Variants in SPIDR observed in about 807,000 individuals in gnomAD.
The protein encoded by SPIDR is scaffold protein involved in DNA repair, also known as DNA repair-scaffolding protein.
SPIDR carries 93 observed loss-of-function variants against 104.6 expected under a neutral mutation model. That is an observed-to-expected ratio of 0.89 (90% CI 0.75 to 1.06). The LOEUF is 1.06. SPIDR is among the 50% of genes least tolerant of loss of function. The pLI, the probability that SPIDR is intolerant of heterozygous loss-of-function variation, is 0.00. For synonymous variants in SPIDR, 431 were observed against 416.9 expected (o/e 1.03, Z -0.41); for missense variants, 1,154 against 1,111.2 (o/e 1.04, Z -0.55).
At chr8:47,302,944 G>T (rs1174369580) in intron 5 of SPIDR, among the ~76,000 whole-genome samples, 2 of 152,208 alleles carry the variant, frequency 1.3e-5, no homozygotes, top group African/African-American at 4.8e-5. Context: ...CCAGCTGCAT[G>T]CTGGGAGAAC....
chr8:47,466,912 TATAGATAG>T lies in SPIDR; in HGVS notation c.1097+26402_1097+26409del, dbSNP rs1240331641. On this transcript the variant is annotated intron_variant, in intron 8 of 19. Coordinates refer to ENST00000297423, the MANE Select transcript of SPIDR (RefSeq NM_001080394.4). ...GAAAAAAAAAAAAAATATATATATA[TATAGATAG>T]ATAGATAGATAGATAGATAGATAGA... is the stretch of plus-strand genomic sequence containing the variant. Among the ~76,000 whole-genome samples the T allele has an allele frequency of 3.2e-3, 361 of 113,298 alleles. 9 individuals carry two copies. The highest frequency in any genetic ancestry group is 9.0e-3 in the East Asian group (37 of 4,094). The allele number at this position is 113,298 out of a possible 152,430, so 74.3% of individuals were successfully genotyped here. A position where few individuals can be genotyped will look rare whatever the true frequency, so the allele number is the denominator to read the frequency against.
intron 10 of SPIDR, among the ~76,000 whole-genome samples, chr8:47,602,280 A>G (rs1422872437): frequency 6.6e-6 from 1 of 152,214 alleles, no homozygotes; most frequent in Non-Finnish European, 1.5e-5. Context: ...AGCACAACAC[A>G]CACAGAAGAA....
intron 8 of SPIDR, among the ~76,000 whole-genome samples, chr8:47,537,222 A>C (rs931560772): frequency 6.6e-6 from 1 of 152,254 alleles, no homozygotes; most frequent in Non-Finnish European, 1.5e-5. Context: ...ATATTTATCC[A>C]AATAATTGTT....
In SPIDR at chr8:47,480,621, A is replaced by G. The variant is rs79244204; in HGVS notation, c.1097+40079A>G. ...ATAAACTGAAAGTGTACAATCTGGG[A>G]TCAAGTGTTCTCGCTGCTCTCAGGG... On this transcript the variant is annotated intron_variant, in intron 8 of 19. Coordinates refer to ENST00000297423, the MANE Select transcript of SPIDR (RefSeq NM_001080394.4). 7.6e-3 allele frequency among the ~76,000 whole-genome samples: 1,152 copies of G among 152,314 alleles called. 14 individuals are homozygous for G. The highest frequency in any genetic ancestry group is 0.026 in the Admixed American group (390 of 15,292).
chr8:47,620,330 A>T (rs1378894750), intron 10 of SPIDR, among the ~76,000 whole-genome samples: 1 of 141,594 alleles, frequency 7.1e-6, no homozygotes, highest in Non-Finnish European at 1.5e-5. Context: ...GCTGGAGTGC[A>T]GTGGCGTGAT....
At chr8:47,644,308 G>A (rs1303687978) in intron 10 of SPIDR, among the ~76,000 whole-genome samples, 1 of 152,218 alleles carries the variant, frequency 6.6e-6, no homozygotes. Context: ...AAATCTGAAC[G>A]GAAGCTGATG....
intron 8 of SPIDR, among the ~76,000 whole-genome samples, chr8:47,478,613 G>A (rs1227873707): frequency 6.6e-6 from 1 of 152,146 alleles, no homozygotes; most frequent in Non-Finnish European, 1.5e-5. Context: ...GACAGTTTGG[G>A]TTCATATGAA....
chr8:47,548,653 A>T (rs1238330593), intron 8 of SPIDR, among the ~76,000 whole-genome samples: 1 of 152,200 alleles, frequency 6.6e-6, no homozygotes, highest in East Asian at 1.9e-4. Context: ...ATCTCAAAAA[A>T]CAGAACAAAA....
chr8:47,728,243 C>A (rs1464445184), intron 17 of SPIDR, among the ~76,000 whole-genome samples: 1 of 151,374 alleles, frequency 6.6e-6, no homozygotes, highest in Non-Finnish European at 1.5e-5. Flanking sequence ...CTGGCCAACA[C>A]GGTGAAACCC....
At chr8:47,378,468 C>T (rs191369171) in intron 5 of SPIDR, among the ~76,000 whole-genome samples, 2 of 152,314 alleles carry the variant, frequency 1.3e-5, no homozygotes, top group East Asian at 3.9e-4. Flanking sequence ...GTAATTGCAG[C>T]TATCAAAGTT....
intron 10 of SPIDR, among the ~76,000 whole-genome samples, chr8:47,631,588 C>G (rs772245962): frequency 5.3e-5 from 8 of 152,134 alleles, no homozygotes; most frequent in Non-Finnish European, 1.2e-4. Context: ...ATGTGTGTCT[C>G]TAAAACAGAT....
In SPIDR at chr8:47,260,974, C is replaced by T; in HGVS notation, c.16C>T (p.Arg6Cys). ...GCTCCCGGAGATGCCCCGCGGCAGC[C>T]GCGCTCGGGGCTCTAAGGTAGGCTC... MPRGS[R>C]ARGSKRKRSW... The change falls in exon 1 of 20, where the codon CGC (arginine) becomes TGC (cysteine). Residue 6 changes from arginine (R) to cysteine (C), a missense_variant. Physicochemically the swap from Arg to Cys is radical, Grantham distance 180 (BLOSUM62 -3). Transcript: ENST00000297423. 6 of 1,230,436 alleles carry T rather than the reference C, an allele frequency of 4.9e-6. No homozygotes were observed. Among genetic ancestry groups the T allele is most frequent in the East Asian group, 3.2e-5 (1 of 31,436 alleles). 76.2% of individuals were successfully genotyped at this position (1,230,436 alleles called of 1,614,324 possible). A position where few individuals can be genotyped will look rare whatever the true frequency, so the allele number is the denominator to read the frequency against.
chr8:47,556,421 A>G (rs948731084), intron 8 of SPIDR, among the ~76,000 whole-genome samples: 3 of 152,190 alleles, frequency 2.0e-5, no homozygotes, highest in Non-Finnish European at 4.4e-5. Context: ...CCAAGCCAGA[A>G]CTGTTTTAGC....
At chr8:47,616,488 A>C (rs1430127215) in intron 10 of SPIDR, among the ~76,000 whole-genome samples, 2 of 152,198 alleles carry the variant, frequency 1.3e-5, no homozygotes, top group Admixed American at 6.5e-5. Flanking sequence ...TTCTTAGTAG[A>C]GAAGGTGTTT....
At chr8:47,607,136 A>C (rs1255834150) in intron 10 of SPIDR, among the ~76,000 whole-genome samples, 3 of 152,192 alleles carry the variant, frequency 2.0e-5, no homozygotes, top group Non-Finnish European at 2.9e-5. Context: ...CTGTTGTAGA[A>C]AAGTTGGAAT....
intron 8 of SPIDR, among the ~76,000 whole-genome samples, chr8:47,533,572 A>C (rs1466439689): frequency 1.3e-5 from 2 of 152,218 alleles, no homozygotes; most frequent in East Asian, 3.8e-4. Context: ...ACAAATTTAC[A>C]AGAGAAAACC....
chr8:47,588,723 A>G (rs1204813947), intron 8 of SPIDR, among the ~76,000 whole-genome samples: 1 of 152,144 alleles, frequency 6.6e-6, no homozygotes, highest in Non-Finnish European at 1.5e-5. Flanking sequence ...ATAATTCTTT[A>G]TTAAGCTGTG....
intron 8 of SPIDR, among the ~76,000 whole-genome samples, chr8:47,594,897 G>A (rs2061476245): frequency 6.6e-6 from 1 of 152,126 alleles, no homozygotes; most frequent in African/African-American, 2.4e-5. Flanking sequence ...TCAGGAGGCT[G>A]AGGCACGAGA....
intron 10 of SPIDR, among the ~76,000 whole-genome samples, chr8:47,625,685 G>A (rs1432727533): frequency 1.3e-5 from 2 of 151,726 alleles, no homozygotes; most frequent in Admixed American, 6.6e-5. Context: ...TACAAGGGAC[G>A]TGAAGGACCT....
Sources: allele counts gnomAD v4.1 joint callset (sites outside exome capture counted in the v4.1 genomes callset), GRCh38; gene constraint gnomAD v4.1.1; transcripts MANE v1.5; gene names NCBI Gene and HGNC (gene_info 2026-07-23, HGNC 2026-07-21).